The following IFT43 variants were observed in gnomAD, a reference collection of about 807,000 sequenced individuals.
IFT43 encodes the protein intraflagellar transport 43.
IFT43 carries 33 observed loss-of-function variants against 32.3 expected under a neutral mutation model. The observed-to-expected ratio is 1.02, with a 90% CI of 0.77 to 1.37. The LOEUF (loss-of-function observed/expected upper bound fraction) is 1.37. Ranked by LOEUF, IFT43 falls within the 40% of genes most tolerant of loss-of-function variation. The probability of loss-of-function intolerance (pLI) is 0.00; values close to 1 mark genes in which losing one functional copy is unlikely to be tolerated. For missense variants in IFT43, 274 were observed against 265.9 expected, an observed-to-expected ratio of 1.03 and a Z score of -0.21; for synonymous variants, 93 against 98.2, an observed-to-expected ratio of 0.95 and a Z score of 0.31.
intron 2 of IFT43, 106 bp from the exon 3 acceptor site, chr14:76,022,221 A>C: frequency 9.6e-7 from 1 of 1,045,524 alleles, no homozygotes; most frequent in Non-Finnish European, 1.5e-6. Flanking sequence ...ACTGCACTCC[A>C]GCCTGGGTGA....
chr14:76,037,691 G>GTTTT (rs34567798), intron 3 of IFT43, among the ~76,000 whole-genome samples: 5 of 146,880 alleles, frequency 3.4e-5, no homozygotes, highest in Admixed American at 6.7e-5. Context: ...CTCATTCTCT[G>GTTTT]TTTTTTTTTT....
At chr14:76,022,276 T>G in intron 2 of IFT43, 51 bp from the exon 3 acceptor site, 1 of 1,496,194 alleles carries the variant, frequency 6.7e-7, no homozygotes, top group South Asian at 1.1e-5. Flanking sequence ...AAAAATAAAA[T>G]AAATGCAAAT....
At chr14:76,049,407 C>T (rs1478381392) in intron 3 of IFT43, among the ~76,000 whole-genome samples, 2 of 151,786 alleles carry the variant, frequency 1.3e-5, no homozygotes, top group African/African-American at 4.8e-5. Context: ...GGATTTTTGA[C>T]AAACAGCAAT....
At chr14:76,034,525 C>T in intron 3 of IFT43, among the ~76,000 whole-genome samples, 1 of 152,204 alleles carries the variant, frequency 6.6e-6, no homozygotes, top group East Asian at 1.9e-4. Flanking sequence ...TGGGTAGATT[C>T]TGTTCAATAA....
intron 3 of IFT43, among the ~76,000 whole-genome samples, chr14:76,033,559 T>C (rs2036547002): frequency 6.6e-6 from 1 of 152,096 alleles, no homozygotes; most frequent in Admixed American, 6.5e-5. Flanking sequence ...AGACTGACTG[T>C]TGAGATTGTT....
chr14:76,069,346 T>C (rs1391029464), intron 5 of IFT43, among the ~76,000 whole-genome samples: 1 of 151,866 alleles, frequency 6.6e-6, no homozygotes, highest in Non-Finnish European at 1.5e-5. Context: ...AACTTCAACT[T>C]GAGAGCAGAG....
At chr14:76,006,061 G>A (rs117816824) in intron 2 of IFT43, among the ~76,000 whole-genome samples, 3 of 152,048 alleles carry the variant, frequency 2.0e-5, no homozygotes, top group East Asian at 1.9e-4. Context: ...TGACAGGGAC[G>A]TTCTGATATA....
intron 5 of IFT43, among the ~76,000 whole-genome samples, chr14:76,079,955 G>C (rs2037479213): frequency 6.6e-6 from 1 of 151,878 alleles, no homozygotes; most frequent in East Asian, 1.9e-4. Context: ...AGGGGGGAAG[G>C]AGATAAAAAG....
intron 5 of IFT43, among the ~76,000 whole-genome samples, chr14:76,073,650 G>A (rs901602065): frequency 1.3e-5 from 2 of 152,172 alleles, no homozygotes; most frequent in African/African-American, 2.4e-5. Flanking sequence ...AGGACACAAT[G>A]TGATTCCTGA....
At chr14:76,048,874 C>T (rs537390714) in intron 3 of IFT43, among the ~76,000 whole-genome samples, 1 of 152,316 alleles carries the variant, frequency 6.6e-6, no homozygotes, top group African/African-American at 2.4e-5. Flanking sequence ...TGTGCTCCCC[C>T]AGTGGCTCGC....
chr14:76,058,542 T>C lies in IFT43; in HGVS notation c.216-100T>C, dbSNP rs897174607. On this transcript the variant is annotated intron_variant, in intron 3 of 8. Transcript: ENST00000314067. ...GCAGACAAATAAAGCACTTGAGATA[T>C]ACTAATTTGCCTCCACTTTTGAAAC... The C allele has an allele frequency of 1.3e-5, 18 of 1,396,908 alleles. No homozygotes were observed. In the African/African-American group the frequency reaches 1.7e-4, roughly 13 times the overall value. The allele number at this position is 1,396,908 out of a possible 1,614,324, so 86.5% of individuals were successfully genotyped here. A position where few individuals can be genotyped will look rare whatever the true frequency, so the allele number is the denominator to read the frequency against.
chr14:76,014,684 C>T (rs1279315834), intron 2 of IFT43, among the ~76,000 whole-genome samples: 1 of 152,156 alleles, frequency 6.6e-6, no homozygotes, highest in African/African-American at 2.4e-5. Context: ...TCAGCACTTC[C>T]TGAGTGTGTA....
Position 76,059,502 on chromosome 14 carries a change from G to A in IFT43, c.295+129G>A, listed in dbSNP as rs1594853895. Reference sequence around the variant, plus strand: ...TTGCAGTGGTCTTCTGACGCATGCTGATGCACATCTTCATGCCTTGCTGAA... The same window carrying A: ...TTGCAGTGGTCTTCTGACGCATGCTAATGCACATCTTCATGCCTTGCTGAA... On this transcript the variant is annotated intron_variant, in intron 5 of 8. Transcript: ENST00000314067. 3.6e-5 allele frequency: 31 copies of A among 851,634 alleles called. 1 individual carries two copies. Among genetic ancestry groups the A allele is most frequent in the South Asian group, 3.5e-4 (25 of 71,998 alleles). The allele number at this position is 851,634 out of a possible 1,614,324, so 52.8% of individuals were successfully genotyped here. A position where few individuals can be genotyped will look rare whatever the true frequency, so the allele number is the denominator to read the frequency against.
At chr14:76,058,444 A>G in intron 3 of IFT43, 198 bp from the exon 4 acceptor site, 1 of 553,376 alleles carries the variant, frequency 1.8e-6, no homozygotes, top group East Asian at 3.4e-5. Flanking sequence ...AGGCTGACAT[A>G]AAGCTGTAAG....
intron 5 of IFT43, among the ~76,000 whole-genome samples, chr14:76,070,651 C>T (rs2037304879): frequency 6.6e-6 from 1 of 152,118 alleles, no homozygotes; most frequent in Admixed American, 6.6e-5. Flanking sequence ...GAGGTGGGGC[C>T]TAGTGTGAGG....
intron 3 of IFT43, among the ~76,000 whole-genome samples, chr14:76,054,536 G>T (rs61979198): frequency 6.6e-6 from 1 of 152,230 alleles, no homozygotes; most frequent in Non-Finnish European, 1.5e-5. Flanking sequence ...GTCCCTCTCT[G>T]TGTATAAAAT....
intron 2 of IFT43, among the ~76,000 whole-genome samples, chr14:75,999,263 ATATATATATGTATATATATTTTTTT>A (rs2035827532): frequency 4.1e-5 from 1 of 24,578 alleles, no homozygotes; most frequent in African/African-American, 2.6e-4. Flanking sequence ...ATATATATAT[ATATATATATGTATATATATTTTTTT>A]TTTTTTTTTT....
intron 5 of IFT43, among the ~76,000 whole-genome samples, chr14:76,078,838 C>T (rs1281322602): frequency 6.6e-6 from 1 of 152,192 alleles, no homozygotes; most frequent in Non-Finnish European, 1.5e-5. Context: ...TGCCTGGCCA[C>T]CTCCTCCTCC....
chr14:76,052,799 A>T (rs979278642), intron 3 of IFT43, among the ~76,000 whole-genome samples: 1 of 152,238 alleles, frequency 6.6e-6, no homozygotes, highest in Non-Finnish European at 1.5e-5. Context: ...TGTAAATAAA[A>T]CATATAATAA....
Sources: gnomAD v4.1 joint callset for allele counts (sites outside exome capture counted in the v4.1 genomes callset) on GRCh38, gnomAD v4.1.1 for gene constraint, MANE v1.5 for transcripts, NCBI Gene and HGNC (gene_info 2026-07-23, HGNC 2026-07-21) for gene names.